Variants in NLGN1 observed in about 807,000 individuals in gnomAD.
NLGN1 encodes the protein neuroligin-1.
A neutral mutation model predicts 65.5 loss-of-function variants in NLGN1; 12 were observed. That is an observed-to-expected ratio of 0.18 (90% CI 0.12 to 0.30). NLGN1 has a LOEUF of 0.30. NLGN1 is among the 10% of genes least tolerant of loss of function. The probability of loss-of-function intolerance (pLI) is 1.00; values close to 1 mark genes in which losing one functional copy is unlikely to be tolerated. For missense variants in NLGN1, 750 were observed against 1,007.1 expected, an observed-to-expected ratio of 0.74 and a Z score of 3.46; for synonymous variants, 350 against 359.5, an observed-to-expected ratio of 0.97 and a Z score of 0.30.
At chr3:173,473,252 A>G (rs1227639967) in intron 2 of NLGN1, among the ~76,000 whole-genome samples, 1 of 152,218 alleles carries the variant, frequency 6.6e-6, no homozygotes, top group Non-Finnish European at 1.5e-5. Context: ...GAAAATATAG[A>G]AAATGTTTTG....
At chr3:173,820,154 G>A (rs1156264464) in intron 4 of NLGN1, among the ~76,000 whole-genome samples, 1 of 149,026 alleles carries the variant, frequency 6.7e-6, no homozygotes, top group African/African-American at 2.5e-5. Context: ...ACTCCAGCCT[G>A]GGAGAGAGAG....
chr3:173,887,895 A>G (rs1355303456), intron 4 of NLGN1, among the ~76,000 whole-genome samples: 1 of 151,966 alleles, frequency 6.6e-6, no homozygotes, highest in Non-Finnish European at 1.5e-5. Flanking sequence ...TTCTACCACT[A>G]CTGTCATCAC....
At chr3:173,701,579 T>G (rs1405388771) in intron 3 of NLGN1, among the ~76,000 whole-genome samples, 1 of 152,230 alleles carries the variant, frequency 6.6e-6, no homozygotes, top group Admixed American at 6.5e-5. Flanking sequence ...ATAATACATT[T>G]CTGGTATTTT....
chr3:173,632,111 A>C (rs938695038), intron 3 of NLGN1, among the ~76,000 whole-genome samples: 2 of 152,148 alleles, frequency 1.3e-5, no homozygotes, highest in East Asian at 1.9e-4. Context: ...TTTCAGATAC[A>C]TCTGCAGTGT....
At chr3:173,817,143 A>T (rs745642810) in intron 4 of NLGN1, among the ~76,000 whole-genome samples, 1 of 152,212 alleles carries the variant, frequency 6.6e-6, no homozygotes, top group Non-Finnish European at 1.5e-5. Flanking sequence ...GGCAGAAAAG[A>T]GGGTCTGGGT....
rs140729364 is a variant in NLGN1 at position 173,423,053 on chromosome 3, G to A, written c.-389-11957G>A. On this transcript the variant is annotated intron_variant, in intron 1 of 6. Transcript: ENST00000457714. ...GAAACTTACAATCATGGTAGAGGGC[G>A]AAGGAGAAGCAAGGAGCTTCTCCAC... 8.3e-3 allele frequency among the ~76,000 whole-genome samples: 1,265 copies of A among 152,240 alleles called. 5 individuals are homozygous for A. The highest frequency in any genetic ancestry group is 0.013 in the Non-Finnish European group (900 of 68,016).
intron 3 of NLGN1, among the ~76,000 whole-genome samples, chr3:173,775,419 C>T (rs930761846): frequency 1.3e-5 from 2 of 151,916 alleles, no homozygotes; most frequent in Non-Finnish European, 2.9e-5. Flanking sequence ...TGAATTTGAA[C>T]CCTTGACATG....
intron 4 of NLGN1, among the ~76,000 whole-genome samples, chr3:174,188,285 T>C (rs1731789081): frequency 6.6e-6 from 1 of 152,022 alleles, no homozygotes; most frequent in Non-Finnish European, 1.5e-5. Flanking sequence ...GTGATATGTT[T>C]GAATTTGAGT....
At chr3:174,180,770 C>T (rs1730249594) in intron 4 of NLGN1, 1 of 151,916 alleles carries the variant, frequency 6.6e-6, no homozygotes. Context: ...GTAAGATAAA[C>T]ATTTTAACTT....
chr3:174,056,579 A>G (rs1736137720), intron 4 of NLGN1, among the ~76,000 whole-genome samples: 1 of 152,038 alleles, frequency 6.6e-6, no homozygotes, highest in African/African-American at 2.4e-5. Context: ...CAAAGTTTGT[A>G]TCATGGAAGT....
chr3:174,083,005 G>T (rs1393963284), intron 4 of NLGN1, among the ~76,000 whole-genome samples: 1 of 152,152 alleles, frequency 6.6e-6, no homozygotes, highest in African/African-American at 2.4e-5. Flanking sequence ...GGGATCACAG[G>T]CATGAGCCAC....
At chr3:173,421,325 C>CAA (rs1715003133) in intron 1 of NLGN1, among the ~76,000 whole-genome samples, 1 of 151,766 alleles carries the variant, frequency 6.6e-6, no homozygotes, top group African/African-American at 2.4e-5. Flanking sequence ...GCCCATCTTT[C>CAA]CTTCAAATAC....
chr3:173,649,377 G>A (rs989710043), intron 3 of NLGN1, among the ~76,000 whole-genome samples: 2 of 151,884 alleles, frequency 1.3e-5, no homozygotes, highest in African/African-American at 2.4e-5. Flanking sequence ...ACTATTACAA[G>A]TTACATGTCT....
At position 173,896,730 on chromosome 3, in the gene NLGN1, T is replaced by G. The variant is rs566831456; in HGVS notation, c.646+88898T>G. Among the ~76,000 whole-genome samples the G allele has an allele frequency of 2.0e-5, 3 of 152,286 alleles. No individual in the cohort carries two copies. The South Asian group carries it at 6.2e-4, about 32-fold the overall frequency. ...CCATAGATGCTGACATGCTTCATTTTAAAGTGCCAGCCAGCCCTGAAATCT... is the reference window on the plus strand; with the variant it reads ...CCATAGATGCTGACATGCTTCATTTGAAAGTGCCAGCCAGCCCTGAAATCT... On this transcript the variant is annotated intron_variant, in intron 4 of 6. Transcript: ENST00000457714.
intron 4 of NLGN1, among the ~76,000 whole-genome samples, chr3:174,249,785 T>C (rs952484630): frequency 5.3e-5 from 8 of 152,344 alleles, no homozygotes; most frequent in African/African-American, 1.9e-4. Flanking sequence ...GGGAGTTTTC[T>C]CTCACTTTCC....
chr3:173,969,093 G>A (rs1183066556), intron 4 of NLGN1, among the ~76,000 whole-genome samples: 1 of 151,868 alleles, frequency 6.6e-6, no homozygotes, highest in East Asian at 1.9e-4. Context: ...CTGTTAACTT[G>A]TTGATTATTT....
At chr3:174,205,491 T>C (rs980759795) in intron 4 of NLGN1, among the ~76,000 whole-genome samples, 1 of 152,154 alleles carries the variant, frequency 6.6e-6, no homozygotes, top group African/African-American at 2.4e-5. Context: ...AGAATATGCA[T>C]ATTATGGTAG....
chr3:174,179,760 A>C (rs578038356), intron 4 of NLGN1, among the ~76,000 whole-genome samples: 5 of 152,152 alleles, frequency 3.3e-5, no homozygotes, highest in African/African-American at 1.2e-4. Flanking sequence ...TGAAATCCAA[A>C]TGTCATCTCA....
At chr3:174,046,583 C>G (rs1733650636) in intron 4 of NLGN1, among the ~76,000 whole-genome samples, 1 of 152,078 alleles carries the variant, frequency 6.6e-6, no homozygotes, top group Admixed American at 6.6e-5. Flanking sequence ...CAAACACATG[C>G]TTTACTGTGC....
Sources: gnomAD v4.1 joint callset for allele counts (sites outside exome capture counted in the v4.1 genomes callset) on GRCh38, gnomAD v4.1.1 for gene constraint, MANE v1.5 for transcripts, NCBI Gene and HGNC (gene_info 2026-07-23, HGNC 2026-07-21) for gene names.